Variants in CPAMD8 observed in about 807,000 individuals in gnomAD.
CPAMD8 encodes C3 and PZP like alpha-2-macroglobulin domain containing 8, also known as C3 and PZP-like alpha-2-macroglobulin domain-containing protein 8.
In CPAMD8, 146 loss-of-function variants were observed where a neutral mutation model predicts 224.7. That is an observed-to-expected ratio of 0.65 (90% CI 0.57 to 0.75). The LOEUF is 0.75. Among genes scored for constraint, CPAMD8 ranks in the 30% least tolerant of loss-of-function variants. The probability of loss-of-function intolerance (pLI) is 0.00; values close to 1 mark genes in which losing one functional copy is unlikely to be tolerated. For missense variants in CPAMD8, 2,301 were observed against 2,537.5 expected (o/e 0.91, Z 2.00); for synonymous variants, 966 against 1,044.6 (o/e 0.92, Z 1.45).
chr19:16,957,540 G>A (rs1397572771), intron 19 of CPAMD8: 2 of 275,202 alleles, frequency 7.3e-6, no homozygotes, highest in East Asian at 7.3e-5. Context: ...GTGGAGTCAA[G>A]TTCATGTTCC....
At chr19:16,969,938 A>G (rs2054993128) in intron 18 of CPAMD8, among the ~76,000 whole-genome samples, 1 of 151,158 alleles carries the variant, frequency 6.6e-6, no homozygotes, top group Admixed American at 6.6e-5. Flanking sequence ...ATTATACTTT[A>G]AAAACACCTA....
intron 13 of CPAMD8, among the ~76,000 whole-genome samples, chr19:16,988,529 G>C (rs1420161696): frequency 6.6e-6 from 1 of 151,922 alleles, no homozygotes; most frequent in African/African-American, 2.4e-5. Flanking sequence ...AGAATCACTT[G>C]AACCCTGGAG....
intron 18 of CPAMD8, among the ~76,000 whole-genome samples, chr19:16,959,833 C>T (rs973059932): frequency 1.3e-5 from 2 of 152,194 alleles, no homozygotes; most frequent in African/African-American, 4.8e-5. Context: ...GCCACCACGC[C>T]CGGCCTGCAT....
chr19:16,958,751 T>TCCC (rs947103134), intron 18 of CPAMD8, among the ~76,000 whole-genome samples: 3 of 152,048 alleles, frequency 2.0e-5, no homozygotes, highest in African/African-American at 7.2e-5. Context: ...ATGCATAGCA[T>TCCC]CCCCTTTTCT....
chr19:16,908,734 G>A lies in CPAMD8; in HGVS notation c.3862-1617C>T, dbSNP rs114141032. On this transcript the variant is annotated intron_variant, in intron 29 of 41. Coordinates refer to ENST00000443236, the MANE Select transcript of CPAMD8 (RefSeq NM_015692.5). ...TTTCCATCCTTAGACCAGGACAAACGTGGGAACTGTCCCTAAGGTGTGACA... is the reference window on the plus strand; with the variant it reads ...TTTCCATCCTTAGACCAGGACAAACATGGGAACTGTCCCTAAGGTGTGACA... 3.2e-3 allele frequency among the ~76,000 whole-genome samples: 480 copies of A among 152,318 alleles called. 2 individuals carry two copies. The highest frequency in any genetic ancestry group is 0.011 in the African/African-American group (452 of 41,572).
At chr19:16,987,512 C>A (rs1027890932) in intron 13 of CPAMD8, among the ~76,000 whole-genome samples, 3 of 151,890 alleles carry the variant, frequency 2.0e-5, no homozygotes, top group Admixed American at 6.6e-5. Flanking sequence ...CGCCTGCCAG[C>A]GTAAGAAAAT....
chr19:16,945,646 C>CA lies in CPAMD8; in HGVS notation c.2695dup (p.Cys899LeufsTer11). The CA allele has an allele frequency of 6.2e-7, 1 of 1,614,184 alleles. No individual in the cohort carries two copies. The highest frequency in any genetic ancestry group is 1.6e-4 in the Middle Eastern group (1 of 6,062). On this transcript the variant is annotated frameshift_variant, in exon 22 of 42. Coordinates refer to ENST00000443236, the MANE Select transcript of CPAMD8 (RefSeq NM_015692.5). LOFTEE classifies it high-confidence loss of function. ...GTGTTTGCTGGACCTCCCATCCCGGCAGCAATTTGTGTCTCCGTAAGCAAG... is the reference window on the plus strand; with the variant it reads ...GTGTTTGCTGGACCTCCCATCCCGGCAAGCAATTTGTGTCTCCGTAAGCAAG...
At chr19:16,929,305 G>T in intron 23 of CPAMD8, 65 bp from the exon 24 acceptor site, 1 of 1,342,316 alleles carries the variant, frequency 7.4e-7, no homozygotes. Flanking sequence ...TTCCCTGATG[G>T]TACCTGGAGG....
At chr19:17,020,152 T>G (rs776349744) in intron 3 of CPAMD8, among the ~76,000 whole-genome samples, 179 bp downstream of exon 3, 1 of 151,718 alleles carries the variant, frequency 6.6e-6, no homozygotes, top group Non-Finnish European at 1.5e-5. Context: ...TTTTGTATTT[T>G]TAGTAGAGAT....
intron 35 of CPAMD8, among the ~76,000 whole-genome samples, chr19:16,902,250 CT>C (rs1246384127): frequency 1.3e-5 from 2 of 152,138 alleles, no homozygotes; most frequent in Non-Finnish European, 2.9e-5. Context: ...GGCGAGGTGG[CT>C]CACACCTGTA....
At chr19:16,944,033 G>C (rs539925324) in intron 22 of CPAMD8, among the ~76,000 whole-genome samples, 1 of 152,324 alleles carries the variant, frequency 6.6e-6, no homozygotes, top group African/African-American at 2.4e-5. Context: ...GAGCAAGGCA[G>C]AGCGGTGTCC....
At position 16,902,848 on chromosome 19, in the gene CPAMD8, T is replaced by C. The variant is rs758489251; in HGVS notation, c.4486A>G (p.Asn1496Asp). The change falls in exon 35 of 42, where the codon AAT (asparagine) becomes GAT (aspartate). Residue 1496 changes from asparagine (N) to aspartate (D), a missense_variant. Around this residue, in one of 4 missense-constraint regions of CPAMD8, gnomAD observed 1,709 missense variants for 1,753.2 expected, o/e 0.97. Coordinates refer to ENST00000443236, the MANE Select transcript of CPAMD8 (RefSeq NM_015692.5). ...GGCTTGGCCACCGGGTCAGGCACAT[T>C]GTAGGTGACATCAATCTGGGGGGTG... The part of the protein sequence containing the change: ...CCLMQIDVTY[N>D]VPDPVAKPAF... 3 of 1,535,190 alleles carry C rather than the reference T, an allele frequency of 2.0e-6. No homozygotes were observed. Among genetic ancestry groups the C allele is most frequent in the East Asian group, 4.6e-5 (2 of 43,408 alleles).
intron 27 of CPAMD8, among the ~76,000 whole-genome samples, chr19:16,915,718 G>A (rs970613689): frequency 3.9e-5 from 6 of 152,080 alleles, no homozygotes; most frequent in African/African-American, 7.2e-5. Flanking sequence ...AGGAAACTTC[G>A]CAAATTCAGG....
At chr19:16,937,067 T>C (rs1416082592) in intron 23 of CPAMD8, among the ~76,000 whole-genome samples, 2 of 146,114 alleles carry the variant, frequency 1.4e-5, no homozygotes, top group East Asian at 4.1e-4. Flanking sequence ...CCTCCTGCCT[T>C]CCTTCCTTCC....
At chr19:17,019,737 A>AT (rs10717101) in intron 3 of CPAMD8, among the ~76,000 whole-genome samples, 5,328 of 146,986 alleles carry the variant, frequency 0.036, 295 homozygotes, top group African/African-American at 0.12. Flanking sequence ...TAATTTTTGT[A>AT]TTTTTTTTTT....
chr19:16,959,336 G>A (rs534978652), intron 18 of CPAMD8, among the ~76,000 whole-genome samples: 14 of 151,244 alleles, frequency 9.3e-5, no homozygotes, highest in East Asian at 5.8e-4. Flanking sequence ...CACCACGCCC[G>A]GCTAATTTTT....
intron 17 of CPAMD8, among the ~76,000 whole-genome samples, chr19:16,973,594 G>A (rs1028978226): frequency 9.9e-5 from 15 of 151,846 alleles, no homozygotes; most frequent in African/African-American, 3.4e-4. Context: ...GGTGATCCAC[G>A]TGTCTTGGCC....
chr19:16,925,231 T>G lies in CPAMD8; in HGVS notation c.3512A>C (p.Glu1171Ala), dbSNP rs1599712981. ...YLQKTQQLSPEVERETTDYLV... is the reference protein window; with the variant it reads ...YLQKTQQLSPAVERETTDYLV... Reference sequence around the variant, plus strand: ...GTAGTCGGTGGTCTCTCTCTCCACCTCAGGGCTGAGCTGCTGGGTTTTCTG... The same window carrying G: ...GTAGTCGGTGGTCTCTCTCTCCACCGCAGGGCTGAGCTGCTGGGTTTTCTG... The change falls in exon 26 of 42, where the codon GAG becomes GCG. Residue 1171 changes from glutamate to alanine, a missense_variant. Glu to Ala is a moderately radical substitution (Grantham distance 107). This residue lies in a region of CPAMD8 where 1,709 missense variants were observed against 1,753.2 expected (regional missense o/e 0.97). Transcript: ENST00000443236. 3 of 1,614,166 alleles carry G rather than the reference T, an allele frequency of 1.9e-6. No individual in the cohort carries two copies. Among genetic ancestry groups the G allele is most frequent in the East Asian group, 2.2e-5 (1 of 44,880 alleles).
At chr19:16,895,369 A>C (rs1162988974) in intron 41 of CPAMD8, 1 of 154,162 alleles carries the variant, frequency 6.5e-6, no homozygotes, top group African/African-American at 2.4e-5. Flanking sequence ...GCCCAGATTA[A>C]AAAAAGAATA....
Sources: allele counts gnomAD v4.1 joint callset (sites outside exome capture counted in the v4.1 genomes callset), GRCh38; gene constraint gnomAD v4.1.1; regional missense constraint gnomAD v4.1.1; transcripts MANE v1.5; gene names NCBI Gene and HGNC (gene_info 2026-07-23, HGNC 2026-07-21).